GRK3: variants seen among roughly 807,000 people sequenced by gnomAD.
GRK3 encodes G protein-coupled receptor kinase 3, also known as adrenergic, beta, receptor kinase 2.
GRK3 carries 54 observed loss-of-function variants against 95.7 expected under a neutral mutation model. The ratio of observed to expected loss-of-function variants is 0.56; its 90% confidence interval spans 0.45 to 0.71. GRK3 has a LOEUF of 0.71. GRK3 is among the 30% of genes least tolerant of loss of function. GRK3 has a pLI of 0.00. For synonymous variants in GRK3, 281 were observed against 290.8 expected, an observed-to-expected ratio of 0.97 and a Z score of 0.34; for missense variants, 649 against 851.2, an observed-to-expected ratio of 0.76 and a Z score of 2.96.
At chr22:25,603,464 A>G (rs1184860004) in intron 1 of GRK3, among the ~76,000 whole-genome samples, 1 of 152,142 alleles carries the variant, frequency 6.6e-6, no homozygotes, top group Non-Finnish European at 1.5e-5. Context: ...TGTGTGGTTC[A>G]GTTTCTGCAC....
chr22:25,694,000 A>C (rs2085186803), intron 12 of GRK3, among the ~76,000 whole-genome samples: 1 of 152,084 alleles, frequency 6.6e-6, no homozygotes, highest in Non-Finnish European at 1.5e-5. Context: ...CACGTTGGTC[A>C]GGCTGGTCTC....
chr22:25,612,928 T>A (rs1161179776), intron 2 of GRK3, among the ~76,000 whole-genome samples: 1 of 151,696 alleles, frequency 6.6e-6, no homozygotes, highest in African/African-American at 2.4e-5. Flanking sequence ...ATTTTAAAAA[T>A]TTGGTAATTA....
chr22:25,610,751 TCTTTAA>T (rs1290839619), intron 2 of GRK3, among the ~76,000 whole-genome samples: 2 of 152,274 alleles, frequency 1.3e-5, no homozygotes, highest in Non-Finnish European at 2.9e-5. Flanking sequence ...GCATCTGGCT[TCTTTAA>T]CTTAGCATAA....
chr22:25,673,604 C>A (rs1414990259), intron 7 of GRK3, among the ~76,000 whole-genome samples: 1 of 151,968 alleles, frequency 6.6e-6, no homozygotes, highest in African/African-American at 2.4e-5. Context: ...GTCTGTGGCC[C>A]AAACGCAGGT....
At chr22:25,667,178 A>G (rs544256629) in intron 5 of GRK3, among the ~76,000 whole-genome samples, 1 of 152,184 alleles carries the variant, frequency 6.6e-6, no homozygotes, top group Non-Finnish European at 1.5e-5. Context: ...GGTTTTCTCT[A>G]TGACTCTAAG....
rs60731107 is a variant in GRK3, at chr22:25,724,115, A to AACACACACACACAC, written c.*1688_*1701dup. ...AAGAATAGTATTCAAATTCTGTTGA[A>AACACACACACACAC]ACACACACACACACACACACACACA... On this transcript the variant is annotated 3_prime_UTR_variant, in exon 21 of 21. Coordinates refer to ENST00000324198, the MANE Select transcript of GRK3 (RefSeq NM_005160.4). 1 of 144,544 alleles carries AACACACACACACAC rather than the reference A, an allele frequency of 6.9e-6. No homozygotes were observed. Among genetic ancestry groups the AACACACACACACAC allele is most frequent in the African/African-American group, 2.5e-5 (1 of 39,296 alleles). 9.0% of individuals were successfully genotyped at this position (144,544 alleles called of 1,614,324 possible).
chr22:25,695,435 C>T (rs1333936862), intron 13 of GRK3, among the ~76,000 whole-genome samples: 1 of 152,124 alleles, frequency 6.6e-6, no homozygotes, highest in Non-Finnish European at 1.5e-5. Flanking sequence ...TATTCTGTAC[C>T]ATGTAGGAAT....
Position 25,672,350 on chromosome 22 carries a change from G to A in GRK3, c.555+3G>A. On this transcript the variant is annotated splice_donor_region_variant and intron_variant, in intron 7 of 20. Transcript: ENST00000324198. ...AAAACGTTGAATTAAATATCCATGT[G>A]AGTATCATCTTTTTCTTTTTTCATT... 1 of 1,438,252 alleles carries A rather than the reference G, an allele frequency of 7.0e-7. No homozygotes were observed. Among genetic ancestry groups the A allele is most frequent in the Non-Finnish European group, 9.7e-7 (1 of 1,036,110 alleles). 89.1% of individuals were successfully genotyped at this position (1,438,252 alleles called of 1,614,324 possible). A position where few individuals can be genotyped will look rare whatever the true frequency, so the allele number is the denominator to read the frequency against.
intron 1 of GRK3, among the ~76,000 whole-genome samples, chr22:25,589,232 T>C (rs1332394274): frequency 1.3e-5 from 2 of 152,212 alleles, no homozygotes; most frequent in Non-Finnish European, 2.9e-5. Context: ...AAACCTCAGA[T>C]AGAATATGTA....
intron 2 of GRK3, among the ~76,000 whole-genome samples, chr22:25,634,723 G>T (rs1339221395): frequency 6.6e-6 from 1 of 152,116 alleles, no homozygotes; most frequent in African/African-American, 2.4e-5. Context: ...TTTTAAATGG[G>T]TTGGAAATTA....
At chr22:25,699,710 T>TG (rs2085242178) in intron 13 of GRK3, among the ~76,000 whole-genome samples, 1 of 149,354 alleles carries the variant, frequency 6.7e-6, no homozygotes, top group Non-Finnish European at 1.5e-5. Context: ...TTTTTTTTTT[T>TG]TTTTTTGAGA....
chr22:25,631,574 G>A (rs975086869), intron 2 of GRK3, among the ~76,000 whole-genome samples: 2 of 152,100 alleles, frequency 1.3e-5, no homozygotes, highest in African/African-American at 4.8e-5. Context: ...TAGGTGGAGG[G>A]TGGAGGTGCA....
rs1346916140 is a variant in GRK3 at position 25,641,641 on chromosome 22, A to G, written c.191-2951A>G. On this transcript the variant is annotated intron_variant, in intron 2 of 20. Coordinates refer to ENST00000324198, the MANE Select transcript of GRK3 (RefSeq NM_005160.4). The stretch of plus-strand genomic sequence containing the variant: ...AGTGAGAATGAATGAGAATCATGAA[A>G]GGCCTCCTCAAGGAAAGGGATATGT... Among the ~76,000 whole-genome samples the G allele has an allele frequency of 2.0e-5, 3 of 152,216 alleles. No homozygotes were observed. The East Asian group carries it at 5.8e-4, about 29-fold the overall frequency.
chr22:25,718,499 C>G (rs2085404857), intron 19 of GRK3, 118 bp downstream of exon 19: 3 of 1,178,236 alleles, frequency 2.5e-6, no homozygotes, highest in African/African-American at 1.5e-5. Context: ...TTCTATTTTA[C>G]TGCTCTACAT....
In GRK3 at chr22:25,688,098, T is replaced by C. The variant is rs965522391; in HGVS notation, c.957+431T>C. ...AAAAATACAAAAAATTAGCCGGGCG[T>C]GGTGGCAGGTGCCTGTAGTCCCAGC... On this transcript the variant is annotated intron_variant, in intron 11 of 20. Transcript: ENST00000324198. Among the ~76,000 whole-genome samples the C allele has an allele frequency of 1.4e-4, 22 of 151,800 alleles. No individual in the cohort carries two copies. In the South Asian group the frequency reaches 1.5e-3, roughly 10 times the overall value.
At chr22:25,699,581 G>A (rs1439333861) in intron 13 of GRK3, among the ~76,000 whole-genome samples, 2 of 152,124 alleles carry the variant, frequency 1.3e-5, no homozygotes, top group Non-Finnish European at 2.9e-5. Context: ...CAGTGCCGAG[G>A]GTGAGGACCA....
chr22:25,627,147 G>A (rs536972090), intron 2 of GRK3, among the ~76,000 whole-genome samples: 2 of 152,212 alleles, frequency 1.3e-5, no homozygotes, highest in African/African-American at 4.8e-5. Flanking sequence ...CCCATGTTGG[G>A]GAGAAAGAGT....
At chr22:25,627,049 G>C (rs1176764807) in intron 2 of GRK3, among the ~76,000 whole-genome samples, 1 of 152,126 alleles carries the variant, frequency 6.6e-6, no homozygotes, top group African/African-American at 2.4e-5. Context: ...CAGGTGTCAT[G>C]GCAGATAAGT....
chr22:25,671,344 CAACAAA>C (rs988562609), intron 6 of GRK3, among the ~76,000 whole-genome samples: 8 of 152,158 alleles, frequency 5.3e-5, no homozygotes, highest in East Asian at 1.9e-4. Context: ...CGTCTCAAAG[CAACAAA>C]AACAAAAACA....
Sources: gnomAD v4.1 joint callset for allele counts (sites outside exome capture counted in the v4.1 genomes callset) on GRCh38, gnomAD v4.1.1 for gene constraint, MANE v1.5 for transcripts, NCBI Gene and HGNC (gene_info 2026-07-23, HGNC 2026-07-21) for gene names.